Variants in SLC25A16 observed in about 807,000 individuals in gnomAD.
SLC25A16 encodes the protein solute carrier family 25 member 16, also known as mitochondrial coenzyme A transporter SLC25A16.
SLC25A16 carries 39 observed loss-of-function variants against 41.5 expected under a neutral mutation model. The ratio of observed to expected loss-of-function variants is 0.94; its 90% CI spans 0.73 to 1.23. SLC25A16 has a LOEUF of 1.23. SLC25A16 is among the 50% of genes most tolerant of loss of function. The probability of loss-of-function intolerance (pLI) is 0.00; values close to 1 mark genes in which losing one functional copy is unlikely to be tolerated. For missense variants in SLC25A16, 421 were observed against 426.9 expected, an observed-to-expected ratio of 0.99 and a Z score of 0.12; for synonymous variants, 146 against 147.8, an observed-to-expected ratio of 0.99 and a Z score of 0.09.
intron 1 of SLC25A16, among the ~76,000 whole-genome samples, chr10:68,524,020 G>A (rs937243111): frequency 4.1e-5 from 6 of 147,334 alleles, no homozygotes; most frequent in Admixed American, 2.8e-4. Flanking sequence ...TGGATCACAA[G>A]GTCAAAAGAT....
At chr10:68,494,524 G>GGAGA (rs1277837946) in intron 4 of SLC25A16, among the ~76,000 whole-genome samples, 1 of 146,982 alleles carries the variant, frequency 6.8e-6, no homozygotes, top group Non-Finnish European at 1.5e-5. Context: ...CGGGAGGGGA[G>GGAGA]GAGAGAGAGA....
chr10:68,495,355 C>T (rs982246998), intron 4 of SLC25A16, among the ~76,000 whole-genome samples: 5 of 151,950 alleles, frequency 3.3e-5, no homozygotes, highest in African/African-American at 7.3e-5. Flanking sequence ...GCAGAGGTTG[C>T]GGTGAGCCAA....
intron 3 of SLC25A16, 95 bp from the exon 4 acceptor site, chr10:68,503,790 C>A: frequency 1.3e-6 from 1 of 779,170 alleles, no homozygotes; most frequent in Non-Finnish European, 2.2e-6. Context: ...AGTTACAGGA[C>A]TAATAAAAAG....
intron 1 of SLC25A16, among the ~76,000 whole-genome samples, chr10:68,527,036 C>A (rs1273936315): frequency 6.6e-6 from 1 of 152,168 alleles, no homozygotes; most frequent in East Asian, 1.9e-4. Flanking sequence ...CAGCCTCTGC[C>A]GGAGTGCCAA....
chr10:68,509,315 C>G (rs1258161126), intron 2 of SLC25A16, among the ~76,000 whole-genome samples: 1 of 150,032 alleles, frequency 6.7e-6, no homozygotes, highest in East Asian at 2.0e-4. Flanking sequence ...CCAGCCTGGG[C>G]AACAAGAGTG....
intron 1 of SLC25A16, among the ~76,000 whole-genome samples, chr10:68,526,257 G>C (rs1318482058): frequency 6.6e-6 from 1 of 151,878 alleles, no homozygotes; most frequent in Non-Finnish European, 1.5e-5. Flanking sequence ...CTTAGGGCTG[G>C]AGGTGGGACC....
intron 1 of SLC25A16, among the ~76,000 whole-genome samples, chr10:68,520,749 T>G (rs1328648805): frequency 2.0e-5 from 3 of 147,048 alleles, no homozygotes; most frequent in Non-Finnish European, 4.5e-5. Flanking sequence ...GAGGCAGAGG[T>G]TGCAGTGATT....
At chr10:68,507,259 A>T (rs1590113940) in intron 2 of SLC25A16, among the ~76,000 whole-genome samples, 2 of 151,282 alleles carry the variant, frequency 1.3e-5, no homozygotes, top group Admixed American at 1.3e-4. Context: ...TTTTAGTAGA[A>T]ACGGGGTTTC....
intron 4 of SLC25A16, among the ~76,000 whole-genome samples, chr10:68,502,347 T>C (rs1027951231): frequency 1.3e-5 from 2 of 152,122 alleles, no homozygotes; most frequent in Admixed American, 6.6e-5. Context: ...AACTTCTCTA[T>C]AGGGAAAAAA....
In SLC25A16 at chr10:68,480,308, C is replaced by A. The variant is rs945127713; in HGVS notation, c.*3124G>T. ...AAACACAGTCATTATTTTAAATATT[C>A]TTCCATTCTGACTTATGTTTAGCAT... is the stretch of plus-strand genomic sequence containing the variant. On this transcript the variant is annotated 3_prime_UTR_variant, in exon 9 of 9. Coordinates refer to ENST00000609923, the MANE Select transcript of SLC25A16 (RefSeq NM_152707.4). 2.0e-5 allele frequency: 3 copies of A among 152,098 alleles called. No homozygotes were observed. The highest frequency in any genetic ancestry group is 6.6e-5 in the Admixed American group (1 of 15,234). The allele number at this position is 152,098 out of a possible 1,614,324, so 9.4% of individuals were successfully genotyped here.
Position 68,479,803 on chromosome 10 carries a change from G to A in SLC25A16, c.*3629C>T, listed in dbSNP as rs1222694403. The A allele has an allele frequency of 7.9e-6, 1 of 126,340 alleles. No homozygotes were observed. The highest frequency in any genetic ancestry group is 3.1e-5 in the African/African-American group (1 of 32,248). The allele number at this position is 126,340 out of a possible 1,614,324, so 7.8% of individuals were successfully genotyped here. A position where few individuals can be genotyped will look rare whatever the true frequency, so the allele number is the denominator to read the frequency against. ...TGGGCACTCCAGCCTGGGCAACAGA[G>A]TGAGGCTCTGTCTCAAAAAAAAAAA... On this transcript the variant is annotated 3_prime_UTR_variant, in exon 9 of 9. Coordinates refer to ENST00000609923, the MANE Select transcript of SLC25A16 (RefSeq NM_152707.4).
chr10:68,496,799 A>G, intron 4 of SLC25A16: 1 of 634,294 alleles, frequency 1.6e-6, no homozygotes. Context: ...CCAGAAATAA[A>G]CACAAAAGAC....
intron 2 of SLC25A16, among the ~76,000 whole-genome samples, chr10:68,511,597 TATC>T (rs1484472596): frequency 2.0e-5 from 3 of 152,180 alleles, no homozygotes; most frequent in African/African-American, 7.2e-5. Flanking sequence ...CACTGGGTAA[TATC>T]ATTCTTCTCC....
intron 4 of SLC25A16, among the ~76,000 whole-genome samples, chr10:68,502,707 T>C (rs968052201): frequency 2.4e-5 from 3 of 127,528 alleles, no homozygotes; most frequent in African/African-American, 9.2e-5. Context: ...ACTCCAAGTC[T>C]GGGAGACAGA....
chr10:68,525,918 C>T (rs1236797907), intron 1 of SLC25A16, among the ~76,000 whole-genome samples: 10 of 152,140 alleles, frequency 6.6e-5, no homozygotes, highest in Admixed American at 6.6e-5. Flanking sequence ...CCTTAAGAGT[C>T]ATCACCACTC....
At chr10:68,513,112 A>C (rs1295542847) in intron 2 of SLC25A16, among the ~76,000 whole-genome samples, 1 of 151,922 alleles carries the variant, frequency 6.6e-6, no homozygotes, top group Admixed American at 6.6e-5. Flanking sequence ...TTGGGAGGCC[A>C]AGGCAGGAGG....
In SLC25A16 at chr10:68,483,526, C is replaced by T. The variant is rs756829211; in HGVS notation, c.905G>A (p.Arg302His). 6.9e-5 allele frequency: 111 copies of T among 1,611,626 alleles called. No homozygotes were observed. In the Admixed American group the frequency reaches 1.4e-3, roughly 20 times the overall value. ...GCGAATGTAATTAAGAGATAAACCACGATAGAGTCCTTTTCGAATTCCATG... is the reference window on the plus strand; with the variant it reads ...GCGAATGTAATTAAGAGATAAACCATGATAGAGTCCTTTTCGAATTCCATG... ...GHHGIRKGLY[R>H]GLSLNYIRCI... The change falls in exon 9 of 9, where the codon CGT becomes CAT. Residue 302 changes from arginine (R) to histidine (H), a missense_variant. Arg to His is a conservative substitution (Grantham distance 29, BLOSUM62 0). Coordinates refer to ENST00000609923, the MANE Select transcript of SLC25A16 (RefSeq NM_152707.4).
chr10:68,522,144 C>G (rs2053260610), intron 1 of SLC25A16, among the ~76,000 whole-genome samples: 1 of 146,774 alleles, frequency 6.8e-6, no homozygotes, highest in Non-Finnish European at 1.5e-5. Flanking sequence ...GCCTGGACAA[C>G]AGAGAGAGAC....
intron 6 of SLC25A16, among the ~76,000 whole-genome samples, chr10:68,492,869 T>C (rs2133510930): frequency 6.6e-6 from 1 of 151,848 alleles, no homozygotes; most frequent in South Asian, 2.1e-4. Flanking sequence ...AAAACCTAAA[T>C]GTTTAACATC....
Sources: gnomAD v4.1 joint callset for allele counts (sites outside exome capture counted in the v4.1 genomes callset) on GRCh38, gnomAD v4.1.1 for gene constraint, MANE v1.5 for transcripts, NCBI Gene and HGNC (gene_info 2026-07-23, HGNC 2026-07-21) for gene names.